PLAC8L1: variants seen among roughly 807,000 people sequenced by gnomAD.
PLAC8L1 encodes the protein PLAC8 like 1, also known as PLAC8-like protein 1.
Under a neutral mutation model 16.3 loss-of-function variants are expected in PLAC8L1, and 13 were observed. The observed-to-expected ratio is 0.80, with a 90% confidence interval of 0.52 to 1.27. PLAC8L1 has a LOEUF of 1.27. Ranked by LOEUF, PLAC8L1 falls within the 50% of genes most tolerant of loss-of-function variation. The pLI is 0.00. For synonymous variants in PLAC8L1, 78 were observed against 79.3 expected (o/e 0.98, Z 0.09); for missense variants, 184 against 220.2 (o/e 0.84, Z 1.04).
Position 146,098,287 on chromosome 5 carries a change from T to C in PLAC8L1, c.125A>G (p.His42Arg), listed in dbSNP as rs1260248417. 6 of 1,613,762 alleles carry C rather than the reference T, an allele frequency of 3.7e-6. No individual in the cohort carries two copies. The highest frequency in any genetic ancestry group is 5.1e-6 in the Non-Finnish European group (6 of 1,179,902). The change falls in exon 2 of 4, where the codon CAT becomes CGT. Residue 42 changes from histidine to arginine, a missense_variant. His to Arg is a conservative substitution (Grantham distance 29). Coordinates refer to ENST00000311450, the MANE Select transcript of PLAC8L1 (RefSeq NM_001029869.3). ...CTTCACCACAGCGCTGGCTGGTACA[T>C]GGCCTCTGGAGAGTCAAGGATGATG... Reference protein sequence around the residue: ...DEHFISNLRGHVPASAVVKQP... With the variant: ...DEHFISNLRGRVPASAVVKQP...
At chr5:146,100,313 C>T (rs960934026) in intron 1 of PLAC8L1, among the ~76,000 whole-genome samples, 2 of 152,058 alleles carry the variant, frequency 1.3e-5, no homozygotes, top group Admixed American at 6.6e-5. Context: ...GGGTTGGAAG[C>T]GACCTGTCTG....
At position 146,105,397 on chromosome 5, in the gene PLAC8L1, C is replaced by T. The variant is rs1440697827; in HGVS notation, c.-1086G>A. On this transcript the variant is annotated 5_prime_UTR_variant, in exon 1 of 4. Transcript: ENST00000311450. The stretch of plus-strand genomic sequence containing the variant: ...TGGGCAACTGTCATTGTCTTCTTAA[C>T]AGTAAGGATGTACCCTACATTAAGG... Among the ~76,000 whole-genome samples the T allele has an allele frequency of 2.0e-5, 3 of 152,028 alleles. No homozygotes were observed. The highest frequency in any genetic ancestry group is 7.2e-5 in the African/African-American group (3 of 41,396).
chr5:146,099,654 G>A (rs999673742), intron 1 of PLAC8L1, among the ~76,000 whole-genome samples: 19 of 103,332 alleles, frequency 1.8e-4, no homozygotes, highest in Non-Finnish European at 2.9e-4. Context: ...GCAAGACTCC[G>A]TCTCAAAAAA....
At chr5:146,101,786 A>G (rs1456065233) in intron 1 of PLAC8L1, among the ~76,000 whole-genome samples, 3 of 152,216 alleles carry the variant, frequency 2.0e-5, no homozygotes, top group African/African-American at 7.2e-5. Flanking sequence ...TCCTCCATAC[A>G]AAGGCATTTA....
intron 1 of PLAC8L1, among the ~76,000 whole-genome samples, chr5:146,101,149 A>T (rs1421655274): frequency 6.9e-6 from 1 of 145,626 alleles, no homozygotes; most frequent in African/African-American, 2.6e-5. Flanking sequence ...ATGAGCCGAG[A>T]TTGCACCACT....
At chr5:146,085,369 C>G in intron 3 of PLAC8L1, 92 bp downstream of exon 3, 1 of 1,397,476 alleles carries the variant, frequency 7.2e-7, no homozygotes. Flanking sequence ...ACATCCTCAC[C>G]CACCCTTCTT....
chr5:146,101,560 C>A (rs1309275513), intron 1 of PLAC8L1, among the ~76,000 whole-genome samples: 1 of 152,198 alleles, frequency 6.6e-6, no homozygotes, highest in African/African-American at 2.4e-5. Context: ...TACCCACTAT[C>A]CCGCACACTA....
intron 3 of PLAC8L1, among the ~76,000 whole-genome samples, 182 bp from the exon 4 acceptor site, chr5:146,084,754 T>C (rs780159931): frequency 2.8e-4 from 42 of 152,246 alleles, no homozygotes; most frequent in Admixed American, 2.1e-3. Flanking sequence ...TGCTAATCAA[T>C]GCCTGCGATT....
intron 2 of PLAC8L1, among the ~76,000 whole-genome samples, chr5:146,094,126 A>G (rs144685479): frequency 0.011 from 1,701 of 152,252 alleles, 25 homozygotes; most frequent in African/African-American, 0.035. Flanking sequence ...TCTGTCGCCC[A>G]GGCTGGAGTG....
At chr5:146,095,306 T>C (rs1180613324) in intron 2 of PLAC8L1, among the ~76,000 whole-genome samples, 1 of 152,134 alleles carries the variant, frequency 6.6e-6, no homozygotes, top group Admixed American at 6.6e-5. Flanking sequence ...CCCCATATCC[T>C]TTTTCCTCCC....
intron 1 of PLAC8L1, 58 bp from the exon 2 acceptor site, chr5:146,098,350 A>G (rs1343462966): frequency 2.5e-5 from 39 of 1,569,278 alleles, no homozygotes; most frequent in Non-Finnish European, 1.9e-5. Flanking sequence ...AACAATAACC[A>G]TTAAGCCAAG....
In PLAC8L1 at chr5:146,098,199, G is replaced by T; in HGVS notation, c.213C>A (p.Gly71=). The stretch of plus-strand genomic sequence containing the variant: ...AGACACTGAAGAGACCGGTGCTCCA[G>T]CCCCCGCCAGTCTGGACAATTGCTG... ...TITAIVQTGG[G]WSTGLFSVCR... is the part of the protein sequence containing the mutation. The change falls in exon 2 of 4, where the codon GGC becomes GGA. Residue 71 remains glycine (G), a synonymous_variant. Transcript: ENST00000311450. 1 of 1,613,808 alleles carries T rather than the reference G, an allele frequency of 6.2e-7. No individual in the cohort carries two copies. Among genetic ancestry groups the T allele is most frequent in the Non-Finnish European group, 8.5e-7 (1 of 1,179,932 alleles).
chr5:146,098,232 C>T lies in PLAC8L1; in HGVS notation c.180G>A (p.Thr60=), dbSNP rs199503516. The T allele has an allele frequency of 3.9e-5, 63 of 1,614,140 alleles. No homozygotes were observed. The highest frequency in any genetic ancestry group is 9.3e-5 in the African/African-American group (7 of 75,054). Residue 60 remains threonine, a synonymous_variant, in exon 2 of 4, where the codon ACG becomes ACA. Transcript: ENST00000311450. ...KQPVRGASGR[T]TITAIVQTGG... ...CAGTCTGGACAATTGCTGTGATTGT[C>T]GTCCTGCCACTGGCTCCCCGAACAG...
intron 1 of PLAC8L1, 94 bp downstream of exon 1, chr5:146,104,097 CCA>C: frequency 6.7e-7 from 1 of 1,493,274 alleles, no homozygotes; most frequent in Admixed American, 2.4e-5. Context: ...CTTCCCAAGC[CCA>C]GTTTTCTTTT....
At chr5:146,089,850 T>C (rs1226796896) in intron 2 of PLAC8L1, among the ~76,000 whole-genome samples, 2 of 151,710 alleles carry the variant, frequency 1.3e-5, no homozygotes, top group Non-Finnish European at 2.9e-5. Context: ...GAGATTCTCC[T>C]GCCTCAGCCT....
At chr5:146,103,199 G>A (rs1004907203) in intron 1 of PLAC8L1, among the ~76,000 whole-genome samples, 4 of 151,938 alleles carry the variant, frequency 2.6e-5, no homozygotes, top group South Asian at 2.1e-4. Context: ...TGCTTTTGTC[G>A]CCCAGGCTGG....
At chr5:146,104,074 T>C (rs111480294) in intron 1 of PLAC8L1, 119 bp downstream of exon 1, 9 of 1,440,364 alleles carry the variant, frequency 6.2e-6, no homozygotes, top group East Asian at 2.5e-5. Context: ...GGAGAAAAGA[T>C]AGCAACCACT....
chr5:146,103,625 G>A (rs568576863), intron 1 of PLAC8L1: 2 of 973,358 alleles, frequency 2.1e-6, no homozygotes, highest in East Asian at 1.1e-4. Context: ...AGGTGAGGGA[G>A]GCTTTAACTC....
At position 146,104,676 on chromosome 5, in the gene PLAC8L1, G is replaced by A. The variant is rs990358763; in HGVS notation, c.-365C>T. The A allele has an allele frequency of 5.0e-6, 1 of 200,756 alleles. No individual in the cohort carries two copies. Among genetic ancestry groups the A allele is most frequent in the African/African-American group, 2.4e-5 (1 of 41,856 alleles). The allele number at this position is 200,756 out of a possible 1,614,324, so 12.4% of individuals were successfully genotyped here. A position where few individuals can be genotyped will look rare whatever the true frequency, so the allele number is the denominator to read the frequency against. ...AAGATTCAGAAGGCTGAAAATTTCTGCCATGCCATGTGACTGAGAAGCAGC... is the reference window on the plus strand; with the variant it reads ...AAGATTCAGAAGGCTGAAAATTTCTACCATGCCATGTGACTGAGAAGCAGC... On this transcript the variant is annotated 5_prime_UTR_variant, in exon 1 of 4. It introduces an in-frame stop codon into an upstream open reading frame of the 5' UTR. Coordinates refer to ENST00000311450, the MANE Select transcript of PLAC8L1 (RefSeq NM_001029869.3).
Sources: gnomAD v4.1 joint callset for allele counts (sites outside exome capture counted in the v4.1 genomes callset) on GRCh38, gnomAD v4.1.1 for gene constraint, MANE v1.5 for transcripts, NCBI Gene and HGNC (gene_info 2026-07-23, HGNC 2026-07-21) for gene names.